Variants in LINGO2 observed in about 807,000 individuals in gnomAD.
LINGO2 encodes the protein leucine-rich repeat and immunoglobulin-like domain-containing nogo receptor-interacting protein 2.
A neutral mutation model predicts 30.6 loss-of-function variants in LINGO2; 14 were observed. The observed-to-expected ratio is 0.46, with a 90% confidence interval of 0.30 to 0.72. The LOEUF (loss-of-function observed/expected upper bound fraction) is 0.72. Ranked by LOEUF, LINGO2 falls within the 30% of genes least tolerant of loss-of-function variation. The pLI is 0.07. For synonymous variants in LINGO2, 317 were observed against 288.5 expected (o/e 1.10, Z -1.00); for missense variants, 729 against 751.7 (o/e 0.97, Z 0.35).
chr9:28,448,337 A>T (rs1314437976), intron 2 of LINGO2, among the ~76,000 whole-genome samples: 1 of 152,118 alleles, frequency 6.6e-6, no homozygotes, highest in Non-Finnish European at 1.5e-5. Flanking sequence ...CCCAAAACAC[A>T]TTTAAAAACT....
At chr9:29,132,263 C>T in the LINGO2 span, among the ~76,000 whole-genome samples, 1 of 152,036 alleles carries the variant, frequency 6.6e-6, no homozygotes, top group Admixed American at 6.6e-5. Context: ...GAACATAAGG[C>T]TGATTTGTGC....
At chr9:28,043,346 G>A (rs1479639276) in intron 4 of LINGO2, among the ~76,000 whole-genome samples, 1 of 152,144 alleles carries the variant, frequency 6.6e-6, no homozygotes, top group African/African-American at 2.4e-5. Flanking sequence ...ACTCACACAT[G>A]AATAACTCAA....
chr9:28,978,913 T>C, the LINGO2 span, among the ~76,000 whole-genome samples: 1 of 152,144 alleles, frequency 6.6e-6, no homozygotes, highest in Non-Finnish European at 1.5e-5. Context: ...TAAAAGTATA[T>C]AGTCATACAT....
chr9:29,027,647 T>C, the LINGO2 span, among the ~76,000 whole-genome samples: 3 of 152,012 alleles, frequency 2.0e-5, no homozygotes, highest in Non-Finnish European at 4.4e-5. Context: ...CAGATATGAG[T>C]TTATATATTT....
the LINGO2 span, among the ~76,000 whole-genome samples, chr9:29,060,801 A>G: frequency 6.6e-6 from 1 of 151,962 alleles, no homozygotes; most frequent in African/African-American, 2.4e-5. Flanking sequence ...TGGAGATAAA[A>G]GAGTGAAGTT....
At chr9:28,314,156 G>C (rs913667746) in intron 3 of LINGO2, among the ~76,000 whole-genome samples, 6 of 152,106 alleles carry the variant, frequency 3.9e-5, no homozygotes, top group Middle Eastern at 3.4e-3. Flanking sequence ...GGATGGTCTC[G>C]ATCTCCTGAC....
chr9:28,822,926 G>A, the LINGO2 span, among the ~76,000 whole-genome samples: 1 of 152,126 alleles, frequency 6.6e-6, no homozygotes, highest in African/African-American at 2.4e-5. Context: ...AGTTCAAAGT[G>A]ACAACTGAAT....
chr9:28,140,740 A>G (rs1827648666), intron 4 of LINGO2, among the ~76,000 whole-genome samples: 1 of 152,138 alleles, frequency 6.6e-6, no homozygotes, highest in Non-Finnish European at 1.5e-5. Context: ...TTAGCAAACC[A>G]TATGCTAATT....
intron 5 of LINGO2, among the ~76,000 whole-genome samples, chr9:27,960,034 T>A (rs1356521388): frequency 6.6e-6 from 1 of 152,168 alleles, no homozygotes; most frequent in Non-Finnish European, 1.5e-5. Flanking sequence ...ATGTTCCTTG[T>A]TTTTAAGTCA....
intron 1 of LINGO2, among the ~76,000 whole-genome samples, chr9:28,552,273 A>G (rs1822328373): frequency 6.6e-6 from 1 of 151,934 alleles, no homozygotes; most frequent in Non-Finnish European, 1.5e-5. Context: ...TGGATGCCCT[A>G]TTCCCTAGAT....
intron 5 of LINGO2, among the ~76,000 whole-genome samples, chr9:28,009,875 A>C (rs1335182991): frequency 6.6e-6 from 1 of 152,224 alleles, no homozygotes; most frequent in African/African-American, 2.4e-5. Flanking sequence ...CTGGGTACAT[A>C]CTCAAGAGAA....
chr9:28,467,338 T>G (rs919382489), intron 2 of LINGO2, among the ~76,000 whole-genome samples: 1 of 152,170 alleles, frequency 6.6e-6, no homozygotes, highest in African/African-American at 2.4e-5. Context: ...CCTAGCTGAC[T>G]CTTAACCTCA....
chr9:28,654,009 G>A (rs1334885704), intron 1 of LINGO2, among the ~76,000 whole-genome samples: 3 of 152,034 alleles, frequency 2.0e-5, no homozygotes, highest in African/African-American at 7.2e-5. Context: ...TATTTTACAT[G>A]TCAATGCTAA....
chr9:28,497,358 C>T (rs1026632194), intron 1 of LINGO2, among the ~76,000 whole-genome samples: 2 of 152,118 alleles, frequency 1.3e-5, no homozygotes, highest in Non-Finnish European at 2.9e-5. Context: ...TTGTTCATTT[C>T]TTTTTACTCT....
chr9:29,131,482 C>G, the LINGO2 span, among the ~76,000 whole-genome samples: 9 of 151,990 alleles, frequency 5.9e-5, no homozygotes, highest in Non-Finnish European at 7.4e-5. Flanking sequence ...ATCCCAATCC[C>G]CGCTCTATTT....
At chr9:29,194,861 T>C in the LINGO2 span, among the ~76,000 whole-genome samples, 1 of 152,212 alleles carries the variant, frequency 6.6e-6, no homozygotes, top group Non-Finnish European at 1.5e-5. Context: ...CTCATCATAT[T>C]CAAATTTCCT....
chr9:28,663,967 G>A (rs1320673510), intron 1 of LINGO2, among the ~76,000 whole-genome samples: 1 of 152,050 alleles, frequency 6.6e-6, no homozygotes, highest in Non-Finnish European at 1.5e-5. Flanking sequence ...TATTAAGACT[G>A]ATGATACAAC....
intron 4 of LINGO2, among the ~76,000 whole-genome samples, chr9:28,289,110 GA>G (rs1409257082): frequency 6.6e-6 from 1 of 152,004 alleles, no homozygotes; most frequent in Non-Finnish European, 1.5e-5. Flanking sequence ...AAACTTCTGA[GA>G]AACAGAATTA....
intron 4 of LINGO2, among the ~76,000 whole-genome samples, chr9:28,182,939 C>T (rs761129788): frequency 1.3e-5 from 2 of 152,158 alleles, no homozygotes; most frequent in African/African-American, 2.4e-5. Flanking sequence ...CCATTTGACT[C>T]AGCAATCCCA....
Sources: gnomAD v4.1 joint callset for allele counts (sites outside exome capture counted in the v4.1 genomes callset) on GRCh38, gnomAD v4.1.1 for gene constraint, MANE v1.5 for transcripts, NCBI Gene and HGNC (gene_info 2026-07-23, HGNC 2026-07-21) for gene names.